CTSG: variants seen among roughly 807,000 people sequenced by gnomAD.
CTSG encodes the protein cathepsin G.
In CTSG, 23 loss-of-function variants were observed where a neutral mutation model predicts 23.0. The observed-to-expected ratio is 1.00, with a 90% CI of 0.72 to 1.42. CTSG has a LOEUF of 1.42. Among genes scored for constraint, CTSG ranks in the 40% most tolerant of loss-of-function variants. The probability of loss-of-function intolerance (pLI) is 0.00; values close to 1 mark genes in which losing one functional copy is unlikely to be tolerated. For missense variants in CTSG, 312 were observed against 326.2 expected, an observed-to-expected ratio of 0.96 and a Z score of 0.33; for synonymous variants, 140 against 130.4, an observed-to-expected ratio of 1.07 and a Z score of -0.50.
intron 4 of CTSG, 101 bp downstream of exon 4, chr14:24,574,144 G>C: frequency 6.9e-7 from 1 of 1,457,496 alleles, no homozygotes; most frequent in South Asian, 1.3e-5. Flanking sequence ...ACCCTGGTCT[G>C]GCTGCCAGGC....
At chr14:24,575,472 G>C in intron 1 of CTSG, 60 bp from the exon 2 acceptor site, 3 of 1,578,556 alleles carry the variant, frequency 1.9e-6, no homozygotes, top group African/African-American at 1.3e-5. Context: ...GTGGGTACCA[G>C]ATTGGTGGCT....
chr14:24,573,834 G>C (rs2066727106), intron 4 of CTSG, 24 bp from the exon 5 acceptor site: 1 of 1,602,430 alleles, frequency 6.2e-7, no homozygotes. Context: ...GGAGAAGGGA[G>C]ACTGAGACAG....
chr14:24,573,739 C>T lies in CTSG; in HGVS notation c.666G>A (p.Gly222=). The change falls in exon 5 of 5, where the codon GGG becomes GGA. Residue 222 remains glycine, a synonymous_variant. Coordinates refer to ENST00000216336, the MANE Select transcript of CTSG (RefSeq NM_001911.3). ...HGIVSYGKSS[G]VPPEVFTRVS... The stretch of plus-strand genomic sequence containing the variant: ...CCCTGGTGAAGACTTCTGGAGGAAC[C>T]CCTGACGACTTTCCATAGGAGACGA... The T allele has an allele frequency of 6.2e-7, 1 of 1,614,074 alleles. No homozygotes were observed. Among genetic ancestry groups the T allele is most frequent in the South Asian group, 1.1e-5 (1 of 91,080 alleles).
chr14:24,573,641 A>AG lies in CTSG; in HGVS notation c.763dup (p.Leu255ProfsTer?), dbSNP rs764116259. The AG allele has an allele frequency of 3.1e-6, 5 of 1,613,022 alleles. No individual in the cohort carries two copies. The highest frequency in any genetic ancestry group is 2.7e-5 in the African/African-American group (2 of 74,994). On this transcript the variant is annotated frameshift_variant, in exon 5 of 5. Coordinates refer to ENST00000216336, the MANE Select transcript of CTSG (RefSeq NM_001911.3). LOFTEE classifies it high-confidence loss of function. Reference sequence around the variant, plus strand: ...GTCCCCGAGAAGAAGAGTCAGTCACAGGGGGGTCTCCATCTGATCCAGCAG... The same window carrying AG: ...GTCCCCGAGAAGAAGAGTCAGTCACAGGGGGGGTCTCCATCTGATCCAGCAG...
intron 3 of CTSG, 37 bp downstream of exon 3, chr14:24,574,638 A>T: frequency 1.9e-6 from 3 of 1,614,024 alleles, no homozygotes; most frequent in Non-Finnish European, 2.5e-6. Flanking sequence ...GTCCCCGGAC[A>T]CACTAGGAAG....
At position 24,574,786 on chromosome 14, in the gene CTSG, G is replaced by C; in HGVS notation, c.228C>G (p.Ala76=). ...TGTTTTCCCGTCTCTGGATATTGTG[G>C]GCGCCCAGGGTGACATTTATATTGC... The part of the protein sequence containing the change: ...WGSNINVTLG[A]HNIQRRENTQ... The change falls in exon 3 of 5, where the codon GCC becomes GCG. Residue 76 remains alanine, a synonymous_variant. Coordinates refer to ENST00000216336, the MANE Select transcript of CTSG (RefSeq NM_001911.3). 6.2e-7 allele frequency: 1 copy of C among 1,614,010 alleles called. No individual in the cohort carries two copies. The highest frequency in any genetic ancestry group is 8.5e-7 in the Non-Finnish European group (1 of 1,180,042).
rs776237818 is a variant in CTSG, at chr14:24,574,542, A to G, written c.340-43T>C. On this transcript the variant is annotated intron_variant, in intron 3 of 4. Transcript: ENST00000216336. ...GCGTTCCCGCTCAGCTGGGGCCTCC[A>G]GCCAAGGCTCGGGGGTCGCTGGTGC... The G allele has an allele frequency of 2.3e-5, 37 of 1,611,788 alleles. 1 individual carries two copies. In the Admixed American group the frequency reaches 6.2e-4, roughly 27 times the overall value.
intron 3 of CTSG, 53 bp from the exon 4 acceptor site, chr14:24,574,552 C>A (rs563467866): frequency 6.2e-7 from 1 of 1,611,422 alleles, no homozygotes; most frequent in Admixed American, 1.7e-5. Flanking sequence ...AGCCAAGGCT[C>A]GGGGGTCGCT....
intron 1 of CTSG, 36 bp from the exon 2 acceptor site, chr14:24,575,448 G>T (rs746200339): frequency 6.2e-7 from 1 of 1,612,312 alleles, no homozygotes; most frequent in Admixed American, 1.7e-5. Flanking sequence ...CTCTATGCTT[G>T]CTGAACCTGC....
In CTSG at chr14:24,573,583, T is replaced by G; in HGVS notation, c.*54A>C. ...TTATTTATACTCTGTGGACGTTTAT[T>G]AAGGCTCTGGCAACACTGTGGAGCT... On this transcript the variant is annotated 3_prime_UTR_variant, in exon 5 of 5. Coordinates refer to ENST00000216336, the MANE Select transcript of CTSG (RefSeq NM_001911.3). The G allele has an allele frequency of 1.3e-6, 2 of 1,525,942 alleles. No individual in the cohort carries two copies. Among genetic ancestry groups the G allele is most frequent in the Non-Finnish European group, 8.9e-7 (1 of 1,123,910 alleles). 94.5% of individuals were successfully genotyped at this position (1,525,942 alleles called of 1,614,324 possible).
Position 24,574,819 on chromosome 14 carries a change from G to GC in CTSG, c.204-10dup. 1 of 1,613,214 alleles carries GC rather than the reference G, an allele frequency of 6.2e-7. No individual in the cohort carries two copies. Among genetic ancestry groups the GC allele is most frequent in the Non-Finnish European group, 8.5e-7 (1 of 1,180,018 alleles). ...GGGTGACATTTATATTGCTGCAAAAGCAAGAGGTAGGTCTGGGCTGCAGGA... is the reference window on the plus strand; with the variant it reads ...GGGTGACATTTATATTGCTGCAAAAGCCAAGAGGTAGGTCTGGGCTGCAGGA... On this transcript the variant is annotated splice_polypyrimidine_tract_variant and intron_variant, in intron 2 of 4. Coordinates refer to ENST00000216336, the MANE Select transcript of CTSG (RefSeq NM_001911.3).
chr14:24,574,912 A>C, intron 2 of CTSG, 102 bp from the exon 3 acceptor site: 1 of 1,481,584 alleles, frequency 6.7e-7, no homozygotes, highest in Non-Finnish European at 9.3e-7. Flanking sequence ...GCTAACCAGA[A>C]TCGAGGGGAT....
At chr14:24,574,596 C>T in intron 3 of CTSG, 79 bp downstream of exon 3, 1 of 1,611,870 alleles carries the variant, frequency 6.2e-7, no homozygotes, top group Non-Finnish European at 8.5e-7. Context: ...TCCCCGCCAC[C>T]CCGGAGCCTT....
At chr14:24,574,223 T>C (rs764095041) in intron 4 of CTSG, 22 bp downstream of exon 4, 3 of 1,599,054 alleles carry the variant, frequency 1.9e-6, no homozygotes, top group Middle Eastern at 1.6e-4. Flanking sequence ...CCGGGGTGTG[T>C]TGGCCAATGC....
At chr14:24,573,903 G>GC in intron 4 of CTSG, 93 bp from the exon 5 acceptor site, 2 of 1,204,306 alleles carry the variant, frequency 1.7e-6, no homozygotes, top group Non-Finnish European at 2.3e-6. Context: ...GGGTGGGTGG[G>GC]CCCCTTCAAT....
chr14:24,574,448 T>C lies in CTSG; in HGVS notation c.391A>G (p.Arg131Gly). The C allele has an allele frequency of 6.2e-7, 1 of 1,613,944 alleles. No homozygotes were observed. Among genetic ancestry groups the C allele is most frequent in the South Asian group, 1.1e-5 (1 of 91,072 alleles). The change falls in exon 4 of 5, where the codon AGA (arginine) becomes GGA (glycine). Residue 131 changes from arginine to glycine, a missense_variant. By Grantham distance (125) the Arg-to-Gly change is moderately radical (BLOSUM62 -2). Coordinates refer to ENST00000216336, the MANE Select transcript of CTSG (RefSeq NM_001911.3). ...CCGGGTCTCAGTCCCTCCTGGGCTC[T>C]AGGCAGAGCCACTGGGTTCACGTTT... The part of the protein sequence containing the change: ...NRNVNPVALP[R>G]AQEGLRPGTL...
Position 24,573,581 on chromosome 14 carries a change from A to T in CTSG, c.*56T>A. ...GGTTATTTATACTCTGTGGACGTTT[A>T]TTAAGGCTCTGGCAACACTGTGGAG... On this transcript the variant is annotated 3_prime_UTR_variant, in exon 5 of 5. Transcript: ENST00000216336. 6.6e-7 allele frequency: 1 copy of T among 1,520,652 alleles called. No individual in the cohort carries two copies. Among genetic ancestry groups the T allele is most frequent in the Non-Finnish European group, 8.9e-7 (1 of 1,119,642 alleles). 94.2% of individuals were successfully genotyped at this position (1,520,652 alleles called of 1,614,324 possible).
chr14:24,574,890 G>A, intron 2 of CTSG, 80 bp from the exon 3 acceptor site: 2 of 1,578,254 alleles, frequency 1.3e-6, no homozygotes, highest in Admixed American at 3.3e-5. Flanking sequence ...GCACGGGGAG[G>A]GCAAGACTGC....
intron 3 of CTSG, 35 bp downstream of exon 3, chr14:24,574,640 A>G: frequency 3.7e-6 from 6 of 1,614,056 alleles, no homozygotes; most frequent in Non-Finnish European, 5.1e-6. Context: ...CCCCGGACAC[A>G]CTAGGAAGGA....
Sources: allele counts gnomAD v4.1 joint callset, GRCh38; gene constraint gnomAD v4.1.1; transcripts MANE v1.5; gene names NCBI Gene and HGNC (gene_info 2026-07-23, HGNC 2026-07-21).